The following SHISA8 variants were observed in gnomAD, a reference collection of about 807,000 sequenced individuals.
SHISA8 encodes protein shisa-8.
SHISA8 carries 21 observed loss-of-function variants against 21.1 expected under a neutral mutation model. That is an observed-to-expected ratio of 0.99 (90% CI 0.71 to 1.43). The LOEUF (loss-of-function observed/expected upper bound fraction) is 1.43. SHISA8 is among the 40% of genes most tolerant of loss of function. The probability of loss-of-function intolerance (pLI) is 0.00; values close to 1 mark genes in which losing one functional copy is unlikely to be tolerated. For synonymous variants in SHISA8, 300 were observed against 291.4 expected (o/e 1.03, Z -0.30); for missense variants, 535 against 599.1 (o/e 0.89, Z 1.12).
intron 1 of SHISA8, among the ~76,000 whole-genome samples, chr22:41,913,294 C>T (rs566721929): frequency 1.4e-4 from 21 of 152,246 alleles, no homozygotes; most frequent in Non-Finnish European, 2.9e-4. Context: ...CTGTCACATT[C>T]GGTGTCAGCA....
rs2077542925 is a variant in SHISA8 at position 41,910,474 on chromosome 22, TGCC to T, written c.742_744del (p.Gly248del). The T allele has an allele frequency of 7.8e-7, 1 of 1,284,910 alleles. No homozygotes were observed. The highest frequency in any genetic ancestry group is 1.6e-5 in the African/African-American group (1 of 64,368). The allele number at this position is 1,284,910 out of a possible 1,614,324, so 79.6% of individuals were successfully genotyped here. ...GCGTAGTCTGGCTGCAGCGTCAGGCTGCCGCCGCCCTGCAGCCGCGGGCCGCGC... is the reference window on the plus strand; with the variant it reads ...GCGTAGTCTGGCTGCAGCGTCAGGCTGCCGCCCTGCAGCCGCGGGCCGCGC... On this transcript the variant is annotated inframe_deletion, in exon 3 of 4. Coordinates refer to ENST00000621082, the MANE Select transcript of SHISA8 (RefSeq NM_001207020.3). The surrounding 1 kb of genome is among the most constrained non-coding windows in gnomAD (Gnocchi z 6.8).
In SHISA8 at chr22:41,910,600, C is replaced by A. The variant is rs1183679550; in HGVS notation, c.665-46G>T. The A allele has an allele frequency of 8.2e-7, 1 of 1,216,832 alleles. No homozygotes were observed. Among genetic ancestry groups the A allele is most frequent in the Non-Finnish European group, 1.0e-6 (1 of 977,654 alleles). The allele number at this position is 1,216,832 out of a possible 1,614,324, so 75.4% of individuals were successfully genotyped here. ...CGGCTCGGTCCGATGCCCCGGTTCA[C>A]TCCGCCCTCGCTGTCACCTCTCCGT... On this transcript the variant is annotated intron_variant, in intron 2 of 3. Coordinates refer to ENST00000621082, the MANE Select transcript of SHISA8 (RefSeq NM_001207020.3). This position sits in a 1 kb window ranked among gnomAD's most constrained non-coding sequence, Gnocchi z 6.8.
chr22:41,915,074 T>TGGCTCC (rs750999426), upstream of SHISA8, among the ~76,000 whole-genome samples: 20 of 151,714 alleles, frequency 1.3e-4, no homozygotes, highest in East Asian at 9.8e-4. The surrounding 1 kb of genome is among the most constrained non-coding windows in gnomAD (Gnocchi z 5.0). Context: ...GCCCGCGCTC[T>TGGCTCC]GGCTCCGGCT....
rs1318660608 is a variant in SHISA8, at chr22:41,914,839, G to A, written c.-172C>T. ...GAGTGGGCTGGGTCTGGAGCTCCGA[G>A]GCCGCACCTCCGGTGGGCGCGTCCT... On this transcript the variant is annotated 5_prime_UTR_variant, in exon 1 of 4. Coordinates refer to ENST00000621082, the MANE Select transcript of SHISA8 (RefSeq NM_001207020.3). The surrounding 1 kb of genome is among the most constrained non-coding windows in gnomAD (Gnocchi z 6.8). Among the ~76,000 whole-genome samples the A allele has an allele frequency of 6.6e-6, 1 of 151,252 alleles. No individual in the cohort carries two copies. The highest frequency in any genetic ancestry group is 1.5e-5 in the Non-Finnish European group (1 of 67,684).
chr22:41,914,518 G>T lies in SHISA8; in HGVS notation c.150C>A (p.Gly50=), dbSNP rs2077573315. Residue 50 remains glycine (G), a synonymous_variant, in exon 1 of 4, where the codon GGC becomes GGA. Coordinates refer to ENST00000621082, the MANE Select transcript of SHISA8 (RefSeq NM_001207020.3). The surrounding 1 kb of genome is among the most constrained non-coding windows in gnomAD (Gnocchi z 6.8). The stretch of plus-strand genomic sequence containing the variant: ...GGTCGCCCCCCTCCGGGGCTGTCGT[G>T]CCGGGCGCCGCGGGACCCTGCGCCT... ...APEAQGPAAP[G]TTAPEGGDRC... is the part of the protein sequence containing the mutation. 8.2e-7 allele frequency: 1 copy of T among 1,225,094 alleles called. No individual in the cohort carries two copies. The highest frequency in any genetic ancestry group is 1.6e-5 in the African/African-American group (1 of 63,334). The allele number at this position is 1,225,094 out of a possible 1,614,324, so 75.9% of individuals were successfully genotyped here.
chr22:41,913,306 C>T (rs56874660), intron 1 of SHISA8, among the ~76,000 whole-genome samples: 3,187 of 152,360 alleles, frequency 0.021, 118 homozygotes, highest in African/African-American at 0.072. Flanking sequence ...GTGTCAGCAG[C>T]CCACAGGCCC....
Position 41,914,125 on chromosome 22 carries a change from G to A in SHISA8, c.530+13C>T. ...GAGGAGCAGGCGGGGGTCCCTGGGC[G>A]GCGCGTGCTCACCTGGTCACTGTGC... is the stretch of plus-strand genomic sequence containing the variant. On this transcript the variant is annotated intron_variant, in intron 1 of 3. Transcript: ENST00000621082. This position sits in a 1 kb window ranked among gnomAD's most constrained non-coding sequence, Gnocchi z 6.8. The A allele has an allele frequency of 7.2e-7, 1 of 1,392,034 alleles. No individual in the cohort carries two copies. The highest frequency in any genetic ancestry group is 1.6e-5 in the South Asian group (1 of 63,172). 86.2% of individuals were successfully genotyped at this position (1,392,034 alleles called of 1,614,324 possible). A position where few individuals can be genotyped will look rare whatever the true frequency, so the allele number is the denominator to read the frequency against.
rs2077538969 is a variant in SHISA8 at position 41,910,172 on chromosome 22, T to A, written c.812-25A>T. The A allele has an allele frequency of 2.4e-6, 3 of 1,226,746 alleles. No individual in the cohort carries two copies. Among genetic ancestry groups the A allele is most frequent in the Non-Finnish European group, 2.0e-6 (2 of 987,072 alleles). The allele number at this position is 1,226,746 out of a possible 1,614,324, so 76.0% of individuals were successfully genotyped here. ...TCTGCGGGGACAGGGCAGGGAAGAG[T>A]GACGCCGCGCCGAGCACCCAAGCTC... On this transcript the variant is annotated intron_variant, in intron 3 of 3. Transcript: ENST00000621082. The surrounding 1 kb of genome is among the most constrained non-coding windows in gnomAD (Gnocchi z 6.8).
intron 1 of SHISA8, among the ~76,000 whole-genome samples, chr22:41,913,769 C>T (rs565980065): frequency 6.6e-6 from 1 of 152,234 alleles, no homozygotes; most frequent in African/African-American, 2.4e-5. Context: ...CTTCCTTTCC[C>T]GTGCCCAAGA....
rs1029784607 is a variant in SHISA8, at chr22:41,914,325, C to T, written c.343G>A (p.Val115Ile). Residue 115 changes from valine (V) to isoleucine (I), a missense_variant, in exon 1 of 4, where the codon GTC becomes ATC. Physicochemically the swap from Val to Ile is conservative, Grantham distance 29. Transcript: ENST00000621082. This position sits in a 1 kb window ranked among gnomAD's most constrained non-coding sequence, Gnocchi z 6.8. Reference sequence around the variant, plus strand: ...CGGGCGGGCGGCCGGCCTGTCTGGACCCAGGCCGGCGTGTCGTAGTTGGAA... The same window carrying T: ...CGGGCGGGCGGCCGGCCTGTCTGGATCCAGGCCGGCGTGTCGTAGTTGGAA... ...RCSNYDTPAW[V>I]QTGRPPARAR... 1.4e-5 allele frequency: 17 copies of T among 1,245,548 alleles called. No homozygotes were observed. The African/African-American group carries it at 2.4e-4, about 17-fold the overall frequency. The allele number at this position is 1,245,548 out of a possible 1,614,324, so 77.2% of individuals were successfully genotyped here. A position where few individuals can be genotyped will look rare whatever the true frequency, so the allele number is the denominator to read the frequency against.
Position 41,910,291 on chromosome 22 carries a change from G to A in SHISA8, c.811+117C>T, listed in dbSNP as rs1335923751. On this transcript the variant is annotated intron_variant, in intron 3 of 3. Coordinates refer to ENST00000621082, the MANE Select transcript of SHISA8 (RefSeq NM_001207020.3). The surrounding 1 kb of genome is among the most constrained non-coding windows in gnomAD (Gnocchi z 6.8). ...CCCGCTGGGGCGAGGGAGCCGATTG[G>A]CCGAGCGGCGGGCGCGCGGAACTGG... is the stretch of plus-strand genomic sequence containing the variant. 12 of 1,232,898 alleles carry A rather than the reference G, an allele frequency of 9.7e-6. No homozygotes were observed. The highest frequency in any genetic ancestry group is 4.7e-5 in the African/African-American group (3 of 63,744). The allele number at this position is 1,232,898 out of a possible 1,614,324, so 76.4% of individuals were successfully genotyped here.
Position 41,909,942 on chromosome 22 carries a change from G to A in SHISA8, c.1017C>T (p.Leu339=), listed in dbSNP as rs770132404. The change falls in exon 4 of 4, where the codon CTC becomes CTT. Residue 339 remains leucine, a synonymous_variant. Transcript: ENST00000621082. ...TSSRPARPAP[L]SHPTARAFQV... ...GGAAGGCCCGAGCCGTCGGGTGGCT[G>A]AGCGGGGCGGGCCGGGCCGGGCGAC... The A allele has an allele frequency of 6.6e-7, 1 of 1,515,466 alleles. No individual in the cohort carries two copies. Among genetic ancestry groups the A allele is most frequent in the Non-Finnish European group, 8.8e-7 (1 of 1,138,026 alleles). The allele number at this position is 1,515,466 out of a possible 1,614,324, so 93.9% of individuals were successfully genotyped here.
Position 41,911,201 on chromosome 22 carries a change from C to A in SHISA8, c.664+15G>T. On this transcript the variant is annotated intron_variant, in intron 2 of 3. Coordinates refer to ENST00000621082, the MANE Select transcript of SHISA8 (RefSeq NM_001207020.3). ...GTGCTCCGCCGCCGCTCAGCCCCGCCCGCCACCGACTCACCTGCGCTGTTG... is the reference window on the plus strand; with the variant it reads ...GTGCTCCGCCGCCGCTCAGCCCCGCACGCCACCGACTCACCTGCGCTGTTG... The A allele has an allele frequency of 3.9e-6, 5 of 1,271,188 alleles. No individual in the cohort carries two copies. In the African/African-American group the frequency reaches 4.6e-5, roughly 12 times the overall value. The allele number at this position is 1,271,188 out of a possible 1,614,324, so 78.7% of individuals were successfully genotyped here.
Position 41,910,207 on chromosome 22 carries a change from C to CA in SHISA8, c.812-61dup. 1.6e-6 allele frequency: 2 copies of CA among 1,228,280 alleles called. No homozygotes were observed. The highest frequency in any genetic ancestry group is 3.3e-5 in the East Asian group (1 of 30,762). The allele number at this position is 1,228,280 out of a possible 1,614,324, so 76.1% of individuals were successfully genotyped here. On this transcript the variant is annotated intron_variant, in intron 3 of 3. Transcript: ENST00000621082. This position sits in a 1 kb window ranked among gnomAD's most constrained non-coding sequence, Gnocchi z 6.8. ...CCGAGCACCCAAGCTCAGGACTGGA[C>CA]AAGGGGTCCCGGCCGGGGACTGGGA...
chr22:41,911,793 T>C (rs1375703159), intron 1 of SHISA8, among the ~76,000 whole-genome samples: 2 of 152,224 alleles, frequency 1.3e-5, no homozygotes, highest in African/African-American at 4.8e-5. Flanking sequence ...TTGTCCAGGC[T>C]GGAGTGCAAT....
At chr22:41,911,382 T>C in intron 1 of SHISA8, 33 bp from the exon 2 acceptor site, 1 of 1,233,856 alleles carries the variant, frequency 8.1e-7, no homozygotes, top group Non-Finnish European at 1.0e-6. Context: ...TGGCCCTCTG[T>C]CTCCCACCTC....
At position 41,909,654 on chromosome 22, in the gene SHISA8, G is replaced by A. The variant is rs1602361315; in HGVS notation, c.*111C>T. ...CAGGCTCCAAGACACCACTGCCGTT[G>A]AGGCAGACAGAAGAGCTGGCCTTAC... On this transcript the variant is annotated 3_prime_UTR_variant, in exon 4 of 4. Coordinates refer to ENST00000621082, the MANE Select transcript of SHISA8 (RefSeq NM_001207020.3). The A allele has an allele frequency of 9.2e-6, 12 of 1,306,672 alleles. No individual in the cohort carries two copies. In the East Asian group the frequency reaches 3.7e-4, roughly 40 times the overall value. 80.9% of individuals were successfully genotyped at this position (1,306,672 alleles called of 1,614,324 possible).
Position 41,909,657 on chromosome 22 carries a change from GCAGA to G in SHISA8, c.*104_*107del. The G allele has an allele frequency of 7.6e-7, 1 of 1,314,020 alleles. No homozygotes were observed. Among genetic ancestry groups the G allele is most frequent in the African/African-American group, 1.5e-5 (1 of 65,044 alleles). 81.4% of individuals were successfully genotyped at this position (1,314,020 alleles called of 1,614,324 possible). A position where few individuals can be genotyped will look rare whatever the true frequency, so the allele number is the denominator to read the frequency against. The stretch of plus-strand genomic sequence containing the variant: ...GCTCCAAGACACCACTGCCGTTGAG[GCAGA>G]CAGAAGAGCTGGCCTTACGGCAGGC... On this transcript the variant is annotated 3_prime_UTR_variant, in exon 4 of 4. Coordinates refer to ENST00000621082, the MANE Select transcript of SHISA8 (RefSeq NM_001207020.3).
rs1177415899 is a variant in SHISA8, at chr22:41,914,167, G to T, written c.501C>A (p.His167Gln). The change falls in exon 1 of 4, where the codon CAC (histidine) becomes CAA (glutamine). Residue 167 changes from histidine (H) to glutamine (Q), a missense_variant. Physicochemically the swap from His to Gln is conservative, Grantham distance 24. Transcript: ENST00000621082. The surrounding 1 kb of genome is among the most constrained non-coding windows in gnomAD (Gnocchi z 6.8). ...IGARLGLERA[H>Q]SPRARRTVTR... Reference sequence around the variant, plus strand: ...TCACTGTGCGCCGCGCGCGCGGGCTGTGCGCCCTCTCCAGTCCCAGGCGCG... The same window carrying T: ...TCACTGTGCGCCGCGCGCGCGGGCTTTGCGCCCTCTCCAGTCCCAGGCGCG... 8.2e-6 allele frequency: 12 copies of T among 1,455,688 alleles called. No individual in the cohort carries two copies. Among genetic ancestry groups the T allele is most frequent in the Non-Finnish European group, 9.0e-6 (10 of 1,114,322 alleles). The allele number at this position is 1,455,688 out of a possible 1,614,324, so 90.2% of individuals were successfully genotyped here.
Sources: allele counts gnomAD v4.1 joint callset (sites outside exome capture counted in the v4.1 genomes callset), GRCh38; gene constraint gnomAD v4.1.1; non-coding constraint Gnocchi (gnomAD v3.1); transcripts MANE v1.5; gene names NCBI Gene and HGNC (gene_info 2026-07-23, HGNC 2026-07-21).